Variants in REV3L observed in about 807,000 individuals in gnomAD.
REV3L encodes DNA polymerase zeta catalytic subunit.
A neutral mutation model predicts 299.4 loss-of-function variants in REV3L; 69 were observed. The observed-to-expected ratio is 0.23, with a 90% CI of 0.19 to 0.28. REV3L has a LOEUF of 0.28. REV3L is among the 10% of genes least tolerant of loss of function. The probability of loss-of-function intolerance (pLI) is 1.00; values close to 1 mark genes in which losing one functional copy is unlikely to be tolerated. For synonymous variants in REV3L, 1,238 were observed against 1,271.4 expected, an observed-to-expected ratio of 0.97 and a Z score of 0.56; for missense variants, 3,128 against 3,693.8, an observed-to-expected ratio of 0.85 and a Z score of 3.97.
Position 111,367,302 on chromosome 6 carries a change from C to T in REV3L, c.6486G>A (p.Lys2162=). Reference sequence around the variant, plus strand: ...TTTTTTGTATACCATCTTTTATTGGCTTTAAGAAGTTCTCAAAAGCCAATG... The same window carrying T: ...TTTTTTGTATACCATCTTTTATTGGTTTTAAGAAGTTCTCAAAAGCCAATG... ...LPSLAFENFL[K]PIKDGIQKSP... The change falls in exon 14 of 32, where the codon AAG becomes AAA. Residue 2162 remains lysine (K), a synonymous_variant. Coordinates refer to ENST00000368802, the MANE Select transcript of REV3L (RefSeq NM_001372078.1). 1 of 1,609,752 alleles carries T rather than the reference C, an allele frequency of 6.2e-7. No homozygotes were observed. Among genetic ancestry groups the T allele is most frequent in the Non-Finnish European group, 8.5e-7 (1 of 1,178,754 alleles).
At chr6:111,400,512 TG>T (rs1204822010) in intron 4 of REV3L, among the ~76,000 whole-genome samples, 3 of 152,200 alleles carry the variant, frequency 2.0e-5, no homozygotes, top group African/African-American at 7.2e-5. Flanking sequence ...TTCATGTGTT[TG>T]CCATCCTTAT....
At chr6:111,404,994 C>A (rs950191447) in intron 4 of REV3L, among the ~76,000 whole-genome samples, 2 of 152,160 alleles carry the variant, frequency 1.3e-5, no homozygotes, top group Admixed American at 1.3e-4. Flanking sequence ...GCTATTCACA[C>A]CATCAGGGAA....
At chr6:111,420,635 T>C (rs188188863) in intron 1 of REV3L, among the ~76,000 whole-genome samples, 86 of 152,334 alleles carry the variant, frequency 5.6e-4, no homozygotes, top group Admixed American at 1.8e-3. Flanking sequence ...ATTTCAGAGT[T>C]TGAATTTTCC....
chr6:111,423,537 AGT>A lies in REV3L; in HGVS notation c.140-7067_140-7066del, dbSNP rs771006186. Among the ~76,000 whole-genome samples the A allele has an allele frequency of 1.6e-4, 24 of 151,552 alleles. 1 individual carries two copies. Among genetic ancestry groups the A allele is most frequent in the East Asian group, 1.9e-4 (1 of 5,158 alleles). On this transcript the variant is annotated intron_variant, in intron 1 of 31. Transcript: ENST00000368802. ...AAAAGAGTATGAGAGAGAGAAAAAC[AGT>A]GTGTGTGTGTGTGAGAGAAAGTCTG...
chr6:111,348,829 A>G (rs1271798401), intron 20 of REV3L: 1 of 152,600 alleles, frequency 6.6e-6, no homozygotes, highest in Admixed American at 6.5e-5. Flanking sequence ...TTTTTTAGCT[A>G]TTATTTGTAG....
At chr6:111,412,919 C>A (rs568573324) in intron 2 of REV3L, among the ~76,000 whole-genome samples, 1 of 152,118 alleles carries the variant, frequency 6.6e-6, no homozygotes, top group African/African-American at 2.4e-5. Context: ...AAGTGGAAAG[C>A]TCCGCTCTGG....
At position 111,376,296 on chromosome 6, in the gene REV3L, C is replaced by A. The variant is rs1318449097; in HGVS notation, c.2059G>T (p.Asp687Tyr). The stretch of plus-strand genomic sequence containing the variant: ...CGGTGCATATGTATAAAAGGGGAAT[C>A]CTTTTCGATTTTTCTAATGTTTGTA... Reference protein sequence around the residue: ...KYTNIRKIEKDSPFIHMHRHP... With the variant: ...KYTNIRKIEKYSPFIHMHRHP... The change falls in exon 13 of 32, where the codon GAT becomes TAT. Residue 687 changes from aspartate (D) to tyrosine (Y), a missense_variant. Physicochemically the swap from Asp to Tyr is radical, Grantham distance 160 (BLOSUM62 -3). Around this residue, in one of 9 missense-constraint regions of REV3L, gnomAD observed 2,409 missense variants for 2,611.8 expected, o/e 0.92. Transcript: ENST00000368802. 6.2e-7 allele frequency: 1 copy of A among 1,613,516 alleles called. No individual in the cohort carries two copies. Among genetic ancestry groups the A allele is most frequent in the Admixed American group, 1.7e-5 (1 of 59,920 alleles).
intron 31 of REV3L, among the ~76,000 whole-genome samples, chr6:111,304,233 C>G (rs892519853): frequency 4.7e-5 from 7 of 148,324 alleles, no homozygotes; most frequent in Non-Finnish European, 8.9e-5. Context: ...CTAGTAATTT[C>G]TGCTTCATTA....
At position 111,416,367 on chromosome 6, in the gene REV3L, C is replaced by A. The variant is rs1187144601; in HGVS notation, c.245G>T (p.Ser82Ile). 6.2e-7 allele frequency: 1 copy of A among 1,613,876 alleles called. No individual in the cohort carries two copies. The highest frequency in any genetic ancestry group is 1.1e-5 in the South Asian group (1 of 91,042). Residue 82 changes from serine to isoleucine, a missense_variant, in exon 2 of 32, where the codon AGT becomes ATT. Around this residue, in one of 9 missense-constraint regions of REV3L, gnomAD observed 2,409 missense variants for 2,611.8 expected, o/e 0.92. Coordinates refer to ENST00000368802, the MANE Select transcript of REV3L (RefSeq NM_001372078.1). ...AGCCACATTAAGTGCTCTGTCGATA[C>A]TGAATGCCATCTGAGAAAGATAGCT... Reference protein sequence around the residue: ...PESYLSQMAFSIDRALNVALG... With the variant: ...PESYLSQMAFIIDRALNVALG...
At chr6:111,400,878 T>C (rs1783017307) in intron 4 of REV3L, among the ~76,000 whole-genome samples, 1 of 152,156 alleles carries the variant, frequency 6.6e-6, no homozygotes, top group Non-Finnish European at 1.5e-5. Context: ...AATTATTATT[T>C]AAGGTGTGAA....
intron 3 of REV3L, among the ~76,000 whole-genome samples, chr6:111,407,237 A>G (rs1165811601): frequency 6.6e-6 from 1 of 152,172 alleles, no homozygotes. Context: ...CTCTAGAGAG[A>G]AATGAGGCTA....
chr6:111,478,167 T>C (rs2128343814), intron 1 of REV3L, among the ~76,000 whole-genome samples: 1 of 152,350 alleles, frequency 6.6e-6, no homozygotes, highest in East Asian at 1.9e-4. Flanking sequence ...CCATATTTCC[T>C]TCACGAAGTC....
intron 10 of REV3L, 116 bp from the exon 11 acceptor site, chr6:111,380,335 C>T (rs1200221866): frequency 5.9e-6 from 4 of 674,744 alleles, no homozygotes; most frequent in Admixed American, 2.8e-5. Flanking sequence ...TCTAGGCTCA[C>T]TGCAAGCTCT....
chr6:111,407,375 A>C (rs1783757586), intron 3 of REV3L, among the ~76,000 whole-genome samples: 1 of 152,228 alleles, frequency 6.6e-6, no homozygotes, highest in African/African-American at 2.4e-5. Flanking sequence ...TGAAAGTCTA[A>C]GGCAGAATTC....
At chr6:111,378,258 A>G (rs1429978604) in intron 11 of REV3L, among the ~76,000 whole-genome samples, 1 of 152,196 alleles carries the variant, frequency 6.6e-6, no homozygotes, top group Non-Finnish European at 1.5e-5. Context: ...CAACCTGACA[A>G]TAACTACAAA....
At chr6:111,482,346 C>G (rs990079104) in intron 1 of REV3L, among the ~76,000 whole-genome samples, 3 of 152,210 alleles carry the variant, frequency 2.0e-5, no homozygotes, top group African/African-American at 7.2e-5. Flanking sequence ...CAAGGGATGT[C>G]CCACTAGCGA....
intron 1 of REV3L, chr6:111,430,902 T>C (rs562581294): frequency 2.4e-5 from 39 of 1,604,886 alleles, no homozygotes; most frequent in African/African-American, 5.4e-5. Context: ...GTGGATCTCA[T>C]TGTAGGAGAG....
intron 1 of REV3L, among the ~76,000 whole-genome samples, chr6:111,473,742 A>T (rs1220156558): frequency 6.6e-6 from 1 of 152,042 alleles, no homozygotes; most frequent in African/African-American, 2.4e-5. Flanking sequence ...TTCAATTATC[A>T]TCAATGCCTT....
intron 4 of REV3L, among the ~76,000 whole-genome samples, chr6:111,405,106 G>A: frequency 6.6e-6 from 1 of 150,910 alleles, no homozygotes; most frequent in East Asian, 1.9e-4. Context: ...AAGGTCTGAG[G>A]TTAAAAAAAA....
Sources: allele counts gnomAD v4.1 joint callset (sites outside exome capture counted in the v4.1 genomes callset), GRCh38; gene constraint gnomAD v4.1.1; regional missense constraint gnomAD v4.1.1; transcripts MANE v1.5; gene names NCBI Gene and HGNC (gene_info 2026-07-23, HGNC 2026-07-21).